TNFAIP1: variants seen among roughly 807,000 people sequenced by gnomAD.
TNFAIP1 encodes TNF alpha induced protein 1, also known as BTB/POZ domain-containing adapter for CUL3-mediated RhoA degradation protein 2.
TNFAIP1 carries 20 observed loss-of-function variants against 32.6 expected under a neutral mutation model. That is an observed-to-expected ratio of 0.61 (90% CI 0.43 to 0.89). TNFAIP1 has a LOEUF of 0.89. Among genes scored for constraint, TNFAIP1 ranks in the 40% least tolerant of loss-of-function variants. The pLI, the probability that TNFAIP1 is intolerant of heterozygous loss-of-function variation, is 0.00. For missense variants in TNFAIP1, 319 were observed against 425.1 expected (o/e 0.75, Z 2.20); for synonymous variants, 166 against 166.8 (o/e 1.00, Z 0.04).
intron 1 of TNFAIP1, among the ~76,000 whole-genome samples, chr17:28,337,644 A>G (rs1555577603): frequency 6.6e-6 from 1 of 152,154 alleles, no homozygotes; most frequent in Non-Finnish European, 1.5e-5. Context: ...CTAGGATTAC[A>G]GGTGTGAGCC....
chr17:28,339,087 A>T (rs1163942524), intron 1 of TNFAIP1, among the ~76,000 whole-genome samples: 1 of 151,086 alleles, frequency 6.6e-6, no homozygotes, highest in Non-Finnish European at 1.5e-5. Flanking sequence ...AAAAAAAAAA[A>T]ATTAGCTGGG....
At position 28,342,081 on chromosome 17, in the gene TNFAIP1, C is replaced by T. The variant is rs968123862; in HGVS notation, c.519-166C>T. ...TCCTTTTCCTCACAGGCCCCCCAAC[C>T]CAGAGGGTACCCTATGATCCTTTCT... On this transcript the variant is annotated intron_variant, in intron 5 of 6. Coordinates refer to ENST00000226225, the MANE Select transcript of TNFAIP1 (RefSeq NM_021137.5). This position sits in a 1 kb window ranked among gnomAD's most constrained non-coding sequence, Gnocchi z 4.0. Among the ~76,000 whole-genome samples the T allele has an allele frequency of 1.3e-5, 2 of 152,166 alleles. No homozygotes were observed. The highest frequency in any genetic ancestry group is 2.9e-5 in the Non-Finnish European group (2 of 68,018).
Position 28,344,719 on chromosome 17 carries a change from C to A in TNFAIP1, c.*119C>A. 9.8e-7 allele frequency: 1 copy of A among 1,025,034 alleles called. No homozygotes were observed. The highest frequency in any genetic ancestry group is 1.5e-6 in the Non-Finnish European group (1 of 687,258). The allele number at this position is 1,025,034 out of a possible 1,614,324, so 63.5% of individuals were successfully genotyped here. On this transcript the variant is annotated 3_prime_UTR_variant, in exon 7 of 7. Coordinates refer to ENST00000226225, the MANE Select transcript of TNFAIP1 (RefSeq NM_021137.5). ...TCTGCTCTAGCACCCAGAGGCATGA[C>A]AGGCCCTGCTCAGAGGTCAGAGGGT...
In TNFAIP1 at chr17:28,344,601, C is replaced by G; in HGVS notation, c.*1C>G. 1 of 1,611,868 alleles carries G rather than the reference C, an allele frequency of 6.2e-7. No individual in the cohort carries two copies. Among genetic ancestry groups the G allele is most frequent in the South Asian group, 1.1e-5 (1 of 91,076 alleles). ...CCACCAGTCTACCCATCGCGACTGA[C>G]CAGACCCTCAGGGAGTCAGGGCACG... On this transcript the variant is annotated 3_prime_UTR_variant, in exon 7 of 7. Transcript: ENST00000226225.
In TNFAIP1 at chr17:28,340,544, G is replaced by C; in HGVS notation, c.375+66G>C. The C allele has an allele frequency of 6.4e-7, 1 of 1,568,302 alleles. No homozygotes were observed. The highest frequency in any genetic ancestry group is 8.7e-7 in the Non-Finnish European group (1 of 1,147,602). On this transcript the variant is annotated intron_variant, in intron 3 of 6. Coordinates refer to ENST00000226225, the MANE Select transcript of TNFAIP1 (RefSeq NM_021137.5). This position sits in a 1 kb window ranked among gnomAD's most constrained non-coding sequence, Gnocchi z 4.1. ...GGAGTTGCCCCCTTCTTGTGGGATG[G>C]AGGACTCTGGTTCCTGGCAGGTTGT...
Position 28,344,735 on chromosome 17 carries a change from G to A in TNFAIP1, c.*135G>A. On this transcript the variant is annotated 3_prime_UTR_variant, in exon 7 of 7. Transcript: ENST00000226225. ...GAGGCATGACAGGCCCTGCTCAGAGGTCAGAGGGTCTGGGCAGAGGAGGGA... is the reference window on the plus strand; with the variant it reads ...GAGGCATGACAGGCCCTGCTCAGAGATCAGAGGGTCTGGGCAGAGGAGGGA... 1 of 875,002 alleles carries A rather than the reference G, an allele frequency of 1.1e-6. No individual in the cohort carries two copies. The highest frequency in any genetic ancestry group is 3.4e-4 in the Middle Eastern group (1 of 2,984). The allele number at this position is 875,002 out of a possible 1,614,324, so 54.2% of individuals were successfully genotyped here. A position where few individuals can be genotyped will look rare whatever the true frequency, so the allele number is the denominator to read the frequency against.
At chr17:28,341,216 T>C (rs1555578106) in intron 3 of TNFAIP1, 21 bp from the exon 4 acceptor site, 1 of 1,613,628 alleles carries the variant, frequency 6.2e-7, no homozygotes, top group Non-Finnish European at 8.5e-7. Flanking sequence ...TAAAGAGGGT[T>C]CTCTGTTCTG....
At position 28,341,140 on chromosome 17, in the gene TNFAIP1, C is replaced by T. The variant is rs1393108353; in HGVS notation, c.376-97C>T. The stretch of plus-strand genomic sequence containing the variant: ...CTGTATCTGACACTTCCTCACCAAG[C>T]AGCGGGTGGCCATGGCAGAGGGGCT... On this transcript the variant is annotated intron_variant, in intron 3 of 6. Transcript: ENST00000226225. 4 of 1,254,264 alleles carry T rather than the reference C, an allele frequency of 3.2e-6. No homozygotes were observed. In the African/African-American group the frequency reaches 5.9e-5, roughly 19 times the overall value. The allele number at this position is 1,254,264 out of a possible 1,614,324, so 77.7% of individuals were successfully genotyped here.
chr17:28,344,293 C>A, intron 6 of TNFAIP1, 71 bp from the exon 7 acceptor site: 1 of 1,405,742 alleles, frequency 7.1e-7, no homozygotes, highest in South Asian at 1.2e-5. Flanking sequence ...AGCCTCAGGG[C>A]CAGCCGCTCT....
Position 28,339,744 on chromosome 17 carries a change from C to A in TNFAIP1, c.205+18C>A. On this transcript the variant is annotated intron_variant, in intron 2 of 6. Coordinates refer to ENST00000226225, the MANE Select transcript of TNFAIP1 (RefSeq NM_021137.5). ...CAAAGAAGGTGAGGCACTGGGGCTG[C>A]CGCTCGGGGTGGGGAGGGCAGGAGG... The A allele has an allele frequency of 6.2e-7, 1 of 1,610,034 alleles. No homozygotes were observed. The highest frequency in any genetic ancestry group is 8.5e-7 in the Non-Finnish European group (1 of 1,177,990).
chr17:28,336,857 T>TA (rs1209907408), intron 1 of TNFAIP1, among the ~76,000 whole-genome samples: 2 of 152,216 alleles, frequency 1.3e-5, no homozygotes, highest in African/African-American at 2.4e-5. Context: ...CCCAGGGACT[T>TA]ACCTAAATCT....
At position 28,345,524 on chromosome 17, in the gene TNFAIP1, C is replaced by T. The variant is rs1208541615; in HGVS notation, c.*924C>T. 6.6e-5 allele frequency: 10 copies of T among 152,292 alleles called. No individual in the cohort carries two copies. Among genetic ancestry groups the T allele is most frequent in the Admixed American group, 5.2e-4 (8 of 15,284 alleles). 9.4% of individuals were successfully genotyped at this position (152,292 alleles called of 1,614,324 possible). On this transcript the variant is annotated 3_prime_UTR_variant, in exon 7 of 7. Transcript: ENST00000226225. ...ACCCTTGGCTTCCAGCCATGCTGTCCTCACATACGGTAAAGCCAAAGAGCT... is the reference window on the plus strand; with the variant it reads ...ACCCTTGGCTTCCAGCCATGCTGTCTTCACATACGGTAAAGCCAAAGAGCT...
At position 28,342,425 on chromosome 17, in the gene TNFAIP1, GAGA is replaced by G; in HGVS notation, c.703_705del (p.Lys235del). ...CTGTACCTCCATCGTGTATGCCACG[GAGA>G]AGAAGCAGACCAAGGTGTGGGGGAT... On this transcript the variant is annotated inframe_deletion, in exon 6 of 7. Coordinates refer to ENST00000226225, the MANE Select transcript of TNFAIP1 (RefSeq NM_021137.5). This position sits in a 1 kb window ranked among gnomAD's most constrained non-coding sequence, Gnocchi z 4.0. 1 of 1,584,020 alleles carries G rather than the reference GAGA, an allele frequency of 6.3e-7. No individual in the cohort carries two copies.
In TNFAIP1 at chr17:28,340,986, C is replaced by A. The variant is rs1399466320; in HGVS notation, c.376-251C>A. On this transcript the variant is annotated intron_variant, in intron 3 of 6. Transcript: ENST00000226225. The surrounding 1 kb of genome is among the most constrained non-coding windows in gnomAD (Gnocchi z 4.1). ...TCTCGAACTGCTGGGCTCAAGTGAT[C>A]TGCCTGCCTCAGCCTCCCAAAGTGC... Among the ~76,000 whole-genome samples, 1 of 152,182 alleles carries A rather than the reference C, an allele frequency of 6.6e-6. No individual in the cohort carries two copies. Among genetic ancestry groups the A allele is most frequent in the Non-Finnish European group, 1.5e-5 (1 of 68,026 alleles).
In TNFAIP1 at chr17:28,342,759, C is replaced by T. The variant is rs1907414921; in HGVS notation, c.714+317C>T. Among the ~76,000 whole-genome samples, 1 of 152,232 alleles carries T rather than the reference C, an allele frequency of 6.6e-6. No homozygotes were observed. The highest frequency in any genetic ancestry group is 1.5e-5 in the Non-Finnish European group (1 of 68,046). On this transcript the variant is annotated intron_variant, in intron 6 of 6. Coordinates refer to ENST00000226225, the MANE Select transcript of TNFAIP1 (RefSeq NM_021137.5). The surrounding 1 kb of genome is among the most constrained non-coding windows in gnomAD (Gnocchi z 4.0). ...CTCACACCACTTGCCAGTTTTCTGACTTTGGATAAGCCACTTAAGCCATCT... is the reference window on the plus strand; with the variant it reads ...CTCACACCACTTGCCAGTTTTCTGATTTTGGATAAGCCACTTAAGCCATCT...
chr17:28,344,676 G>A lies in TNFAIP1; in HGVS notation c.*76G>A. 2 of 1,439,596 alleles carry A rather than the reference G, an allele frequency of 1.4e-6. No individual in the cohort carries two copies. Among genetic ancestry groups the A allele is most frequent in the Non-Finnish European group, 9.6e-7 (1 of 1,040,544 alleles). 89.2% of individuals were successfully genotyped at this position (1,439,596 alleles called of 1,614,324 possible). On this transcript the variant is annotated 3_prime_UTR_variant, in exon 7 of 7. Coordinates refer to ENST00000226225, the MANE Select transcript of TNFAIP1 (RefSeq NM_021137.5). The stretch of plus-strand genomic sequence containing the variant: ...GAACCCGCCCCATTGGCCACCCCAT[G>A]CTGCTGCTGCCTGGGTCTCTGCTCT...
At position 28,340,593 on chromosome 17, in the gene TNFAIP1, C is replaced by T; in HGVS notation, c.375+115C>T. 8.1e-7 allele frequency: 1 copy of T among 1,239,130 alleles called. No individual in the cohort carries two copies. Among genetic ancestry groups the T allele is most frequent in the Non-Finnish European group, 1.1e-6 (1 of 885,714 alleles). 76.8% of individuals were successfully genotyped at this position (1,239,130 alleles called of 1,614,324 possible). ...GTGTGGGAGGCGTGGTTGATGAGTGCAAACCTAATGAGACAAGTGAGATGC... is the reference window on the plus strand; with the variant it reads ...GTGTGGGAGGCGTGGTTGATGAGTGTAAACCTAATGAGACAAGTGAGATGC... On this transcript the variant is annotated intron_variant, in intron 3 of 6. Coordinates refer to ENST00000226225, the MANE Select transcript of TNFAIP1 (RefSeq NM_021137.5). The surrounding 1 kb of genome is among the most constrained non-coding windows in gnomAD (Gnocchi z 4.1).
chr17:28,341,513 C>A, intron 5 of TNFAIP1, 57 bp downstream of exon 5: 1 of 1,596,376 alleles, frequency 6.3e-7, no homozygotes, highest in Non-Finnish European at 8.6e-7. Context: ...GGAGTACTGC[C>A]TGTACTCCCA....
At position 28,342,148 on chromosome 17, in the gene TNFAIP1, G is replaced by A; in HGVS notation, c.519-99G>A. 1 of 1,118,540 alleles carries A rather than the reference G, an allele frequency of 8.9e-7. No individual in the cohort carries two copies. Among genetic ancestry groups the A allele is most frequent in the South Asian group, 1.7e-5 (1 of 58,456 alleles). The allele number at this position is 1,118,540 out of a possible 1,614,324, so 69.3% of individuals were successfully genotyped here. A position where few individuals can be genotyped will look rare whatever the true frequency, so the allele number is the denominator to read the frequency against. On this transcript the variant is annotated intron_variant, in intron 5 of 6. Coordinates refer to ENST00000226225, the MANE Select transcript of TNFAIP1 (RefSeq NM_021137.5). This position sits in a 1 kb window ranked among gnomAD's most constrained non-coding sequence, Gnocchi z 4.0. The stretch of plus-strand genomic sequence containing the variant: ...ATCTTGCTTTCATTTCGGCAGGACA[G>A]GATGGGGGAAGGGAGGGAGGGGAGG...
Sources: gnomAD v4.1 joint callset for allele counts (sites outside exome capture counted in the v4.1 genomes callset) on GRCh38, gnomAD v4.1.1 for gene constraint, Gnocchi (gnomAD v3.1) non-coding constraint, MANE v1.5 for transcripts, NCBI Gene and HGNC (gene_info 2026-07-23, HGNC 2026-07-21) for gene names.